Variants in C12orf42 observed in about 807,000 individuals in gnomAD.
C12orf42 encodes the protein chromosome 12 open reading frame 42, also known as uncharacterized protein C12orf42.
A neutral mutation model predicts 21.6 loss-of-function variants in C12orf42; 25 were observed. The ratio of observed to expected loss-of-function variants is 1.16; its 90% CI spans 0.84 to 1.62. The LOEUF (loss-of-function observed/expected upper bound fraction) is 1.62. Ranked by LOEUF, C12orf42 falls within the 40% of genes most tolerant of loss-of-function variation. The pLI, the probability that C12orf42 is intolerant of heterozygous loss-of-function variation, is 0.00. For synonymous variants in C12orf42, 174 were observed against 175.0 expected (o/e 0.99, Z 0.05); for missense variants, 483 against 459.3 (o/e 1.05, Z -0.47).
At chr12:103,109,260 C>T in the C12orf42 span, among the ~76,000 whole-genome samples, 1 of 151,990 alleles carries the variant, frequency 6.6e-6, no homozygotes. Context: ...ACCAATGAAA[C>T]AGACTAGAGA....
chr12:103,329,646 A>T (rs929299210), intron 4 of C12orf42, among the ~76,000 whole-genome samples: 1 of 151,668 alleles, frequency 6.6e-6, no homozygotes, highest in African/African-American at 2.4e-5. Flanking sequence ...AAGAGACTCA[A>T]CTAAATGATG....
chr12:103,265,833 T>TTTG (rs1411204158), downstream of C12orf42, among the ~76,000 whole-genome samples: 1 of 148,586 alleles, frequency 6.7e-6, no homozygotes, highest in Non-Finnish European at 1.5e-5. Context: ...TTTGTTTTGT[T>TTTG]TTGTTTGCAA....
At chr12:103,486,622 T>A (rs1172904379) in intron 1 of C12orf42, among the ~76,000 whole-genome samples, 3 of 152,198 alleles carry the variant, frequency 2.0e-5, no homozygotes, top group African/African-American at 4.8e-5. Context: ...CTATTAATTA[T>A]TGTCTCCATT....
intron 1 of C12orf42, among the ~76,000 whole-genome samples, chr12:103,494,461 T>G (rs1441599230): frequency 3.3e-5 from 5 of 152,152 alleles, no homozygotes; most frequent in Non-Finnish European, 7.3e-5. Flanking sequence ...CTCTCTCCAT[T>G]CCTTTTTTTA....
chr12:103,211,232 C>G, the C12orf42 span, among the ~76,000 whole-genome samples: 24 of 152,166 alleles, frequency 1.6e-4, no homozygotes, highest in Non-Finnish European at 3.1e-4. Flanking sequence ...ATCTAAACAT[C>G]TTTAAAAACT....
chr12:103,473,576 T>C (rs1413574051), intron 2 of C12orf42, among the ~76,000 whole-genome samples: 1 of 152,212 alleles, frequency 6.6e-6, no homozygotes, highest in Non-Finnish European at 1.5e-5. Flanking sequence ...AGTCCAATGC[T>C]CTTTCCCAAG....
chr12:103,196,199 A>C, the C12orf42 span, among the ~76,000 whole-genome samples: 1 of 152,210 alleles, frequency 6.6e-6, no homozygotes, highest in Non-Finnish European at 1.5e-5. Context: ...TTCAAAAGTC[A>C]TTCAAGAGGA....
chr12:103,104,071 G>A, the C12orf42 span, among the ~76,000 whole-genome samples: 4 of 152,092 alleles, frequency 2.6e-5, no homozygotes, highest in African/African-American at 7.2e-5. Context: ...ATGAATAAAT[G>A]CATTTTAAAT....
chr12:103,171,729 G>A, the C12orf42 span, among the ~76,000 whole-genome samples: 2 of 152,082 alleles, frequency 1.3e-5, no homozygotes, highest in Non-Finnish European at 2.9e-5. Flanking sequence ...GAACAATGAA[G>A]ATCAAAGATT....
downstream of C12orf42, among the ~76,000 whole-genome samples, chr12:103,298,891 A>G (rs1831954699): frequency 6.6e-6 from 1 of 152,222 alleles, no homozygotes; most frequent in African/African-American, 2.4e-5. Context: ...TCAAATAAAA[A>G]GAACTATGTC....
At chr12:103,133,054 G>C in the C12orf42 span, among the ~76,000 whole-genome samples, 1 of 152,144 alleles carries the variant, frequency 6.6e-6, no homozygotes, top group Non-Finnish European at 1.5e-5. Context: ...CCATTCTCCA[G>C]TGCTTGAGTG....
the C12orf42 span, among the ~76,000 whole-genome samples, chr12:103,225,995 A>C: frequency 0.012 from 1,840 of 152,274 alleles, 39 homozygotes; most frequent in African/African-American, 0.042. Context: ...GAGCCTTGGG[A>C]CAGAGTTCCA....
chr12:103,436,276 G>A lies in C12orf42; in HGVS notation c.79-34601C>T, dbSNP rs1021917617. 3.3e-5 allele frequency among the ~76,000 whole-genome samples: 5 copies of A among 151,376 alleles called. No homozygotes were observed. In the East Asian group the frequency reaches 5.8e-4, roughly 18 times the overall value. On this transcript the variant is annotated intron_variant, in intron 2 of 5. Transcript: ENST00000548883. ...GCGCTAAACATGGAAAGGAACAACC[G>A]GTACCAGGCGCTGCAAAATCATGCC...
intron 2 of C12orf42, among the ~76,000 whole-genome samples, chr12:103,447,284 G>C (rs191436948): frequency 1.3e-5 from 2 of 151,904 alleles, no homozygotes; most frequent in East Asian, 3.9e-4. Context: ...ATGAAATCAA[G>C]ATGGAAGGTA....
rs758099068 is a variant in C12orf42, at chr12:103,401,628, A to G, written c.126T>C (p.Asp42=). The G allele has an allele frequency of 4.3e-6, 7 of 1,613,844 alleles. No individual in the cohort carries two copies. The highest frequency in any genetic ancestry group is 4.0e-5 in the African/African-American group (3 of 74,940). ...IPIVSSATLW[D]RSTPSAKHIP... Reference sequence around the variant, plus strand: ...TCACCTTTGCACTGGGTGTGCTTCTATCCCACAGGGTGGCACTGCTCACAA... The same window carrying G: ...TCACCTTTGCACTGGGTGTGCTTCTGTCCCACAGGGTGGCACTGCTCACAA... Residue 42 remains aspartate (D), a synonymous_variant, in exon 3 of 6, where the codon GAT becomes GAC. Transcript: ENST00000548883.
At chr12:103,554,367 G>A in the C12orf42 span, among the ~76,000 whole-genome samples, 1 of 152,184 alleles carries the variant, frequency 6.6e-6, no homozygotes, top group South Asian at 2.1e-4. Context: ...AAAAATAAAA[G>A]GTTTGTGCTA....
chr12:103,466,437 C>T (rs1457419254), intron 2 of C12orf42, among the ~76,000 whole-genome samples: 1 of 152,116 alleles, frequency 6.6e-6, no homozygotes, highest in Non-Finnish European at 1.5e-5. Context: ...CAGATTCACA[C>T]CCTGGGTAAC....
At chr12:103,333,938 G>A (rs1009203448) in intron 4 of C12orf42, among the ~76,000 whole-genome samples, 1 of 152,198 alleles carries the variant, frequency 6.6e-6, no homozygotes, top group Admixed American at 6.5e-5. Context: ...CAGCATAAGT[G>A]CCTGCCTGGG....
At chr12:103,459,746 A>C (rs955709617) in intron 2 of C12orf42, among the ~76,000 whole-genome samples, 3 of 152,250 alleles carry the variant, frequency 2.0e-5, no homozygotes, top group African/African-American at 7.2e-5. Flanking sequence ...AAAAAGGGAC[A>C]CTTAGATAAA....
Sources: allele counts gnomAD v4.1 joint callset (sites outside exome capture counted in the v4.1 genomes callset), GRCh38; gene constraint gnomAD v4.1.1; transcripts MANE v1.5; gene names NCBI Gene and HGNC (gene_info 2026-07-23, HGNC 2026-07-21).